Variants in PTBP2 observed in about 807,000 individuals in gnomAD.
PTBP2 encodes polypyrimidine tract-binding protein 2.
Under a neutral mutation model 61.4 loss-of-function variants are expected in PTBP2, and 13 were observed. That is an observed-to-expected ratio of 0.21 (90% CI 0.14 to 0.34). The LOEUF (loss-of-function observed/expected upper bound fraction) is 0.34. Ranked by LOEUF, PTBP2 falls within the 10% of genes least tolerant of loss-of-function variation. The pLI, the probability that PTBP2 is intolerant of heterozygous loss-of-function variation, is 1.00. For missense variants in PTBP2, 405 were observed against 642.6 expected (o/e 0.63, Z 4.00); for synonymous variants, 215 against 218.5 (o/e 0.98, Z 0.14).
At chr1:96,783,038 G>A (rs1380040751) in intron 7 of PTBP2, among the ~76,000 whole-genome samples, 3 of 151,942 alleles carry the variant, frequency 2.0e-5, no homozygotes, top group African/African-American at 7.2e-5. Context: ...TTTAATGTCA[G>A]AAATCTTTGC....
chr1:96,807,890 G>A (rs1210550640), intron 11 of PTBP2, among the ~76,000 whole-genome samples: 4 of 152,176 alleles, frequency 2.6e-5, no homozygotes, highest in African/African-American at 4.8e-5. Context: ...AGATACGAAA[G>A]TGCTGATTAT....
chr1:96,787,437 T>G (rs78744942), intron 8 of PTBP2, among the ~76,000 whole-genome samples: 1,949 of 152,362 alleles, frequency 0.013, 47 homozygotes, highest in African/African-American at 0.045. Context: ...TTGAATTTTT[T>G]AGTATAACGC....
chr1:96,782,210 C>T (rs564278075), intron 7 of PTBP2, among the ~76,000 whole-genome samples: 1 of 152,050 alleles, frequency 6.6e-6, no homozygotes, highest in South Asian at 2.1e-4. Context: ...ATTGTGTCTT[C>T]TGGAAGTCCT....
At chr1:96,730,228 G>T (rs1032258131) in intron 2 of PTBP2, among the ~76,000 whole-genome samples, 3 of 151,940 alleles carry the variant, frequency 2.0e-5, no homozygotes, top group African/African-American at 7.3e-5. Context: ...ATTGATTTCT[G>T]CTATTTTTAT....
intron 5 of PTBP2, among the ~76,000 whole-genome samples, chr1:96,773,875 A>G (rs1201581277): frequency 6.6e-6 from 1 of 150,478 alleles, no homozygotes; most frequent in Non-Finnish European, 1.5e-5. Flanking sequence ...AGGCAGGAGA[A>G]TGGTGCAGAC....
chr1:96,806,553 A>C, intron 10 of PTBP2, 101 bp downstream of exon 10: 1 of 1,294,292 alleles, frequency 7.7e-7, no homozygotes, highest in Non-Finnish European at 1.1e-6. Flanking sequence ...TGAATAGTAA[A>C]TCTTTTGCTA....
intron 10 of PTBP2, 89 bp downstream of exon 10, chr1:96,806,541 G>T (rs1021274530): frequency 7.3e-7 from 1 of 1,374,154 alleles, no homozygotes; most frequent in African/African-American, 1.4e-5. Flanking sequence ...TTGGCTTAAA[G>T]TTGAATAGTA....
chr1:96,764,957 C>T (rs1656496515), intron 3 of PTBP2, among the ~76,000 whole-genome samples: 1 of 152,136 alleles, frequency 6.6e-6, no homozygotes. Flanking sequence ...TTACGGAAAC[C>T]TGGTGAGGCT....
chr1:96,762,305 G>A (rs1655997003), intron 3 of PTBP2, among the ~76,000 whole-genome samples: 1 of 151,204 alleles, frequency 6.6e-6, no homozygotes, highest in Admixed American at 6.6e-5. Flanking sequence ...AGTAGGGGCG[G>A]CCGGGCAGAG....
intron 8 of PTBP2, among the ~76,000 whole-genome samples, chr1:96,802,927 G>A (rs115927991): frequency 2.0e-5 from 3 of 152,150 alleles, no homozygotes; most frequent in African/African-American, 7.2e-5. Context: ...AAATACTGAC[G>A]AATAGTATTA....
At chr1:96,730,988 G>C (rs1651318447) in intron 2 of PTBP2, among the ~76,000 whole-genome samples, 1 of 152,084 alleles carries the variant, frequency 6.6e-6, no homozygotes, top group Admixed American at 6.5e-5. Context: ...ATTCTGTCTT[G>C]ACTGGAAGTA....
chr1:96,742,283 A>G (rs767130459), intron 2 of PTBP2, among the ~76,000 whole-genome samples: 4 of 152,204 alleles, frequency 2.6e-5, no homozygotes, highest in Non-Finnish European at 4.4e-5. Context: ...AAATATATTA[A>G]AAGGATTTTA....
rs529249262 is a variant in PTBP2 at position 96,820,111 on chromosome 1, T to C, written c.*6706T>C. On this transcript the variant is annotated 3_prime_UTR_variant, in exon 14 of 14. Transcript: ENST00000609116. ...ATTTAAAAACCATTATTTTCTCATC[T>C]GTAAAATGGAGAGAATTACTTCATA... 4 of 152,196 alleles carry C rather than the reference T, an allele frequency of 2.6e-5. No individual in the cohort carries two copies. In the South Asian group the frequency reaches 8.3e-4, roughly 32 times the overall value. 9.4% of individuals were successfully genotyped at this position (152,196 alleles called of 1,614,324 possible).
intron 8 of PTBP2, among the ~76,000 whole-genome samples, chr1:96,794,862 A>C (rs994536937): frequency 6.6e-6 from 1 of 152,224 alleles, no homozygotes; most frequent in Non-Finnish European, 1.5e-5. Context: ...TGTGATGAAC[A>C]TTCAGTTATG....
chr1:96,731,819 C>T (rs963633087), intron 2 of PTBP2, among the ~76,000 whole-genome samples: 5 of 151,976 alleles, frequency 3.3e-5, no homozygotes, highest in African/African-American at 9.7e-5. Flanking sequence ...TTATATTCTT[C>T]GTAATTTGTA....
chr1:96,743,581 C>G (rs1175886915), intron 2 of PTBP2, among the ~76,000 whole-genome samples: 1 of 151,976 alleles, frequency 6.6e-6, no homozygotes, highest in Non-Finnish European at 1.5e-5. Context: ...TATTAGAATT[C>G]TTAAGAATTA....
downstream of PTBP2, chr1:96,817,556 G>A (rs551396438): frequency 7.4e-4 from 112 of 151,804 alleles, 1 homozygote; most frequent in Non-Finnish European, 1.3e-3. Context: ...TCAAATACGC[G>A]GAAAAATAAA....
intron 11 of PTBP2, among the ~76,000 whole-genome samples, chr1:96,810,220 CT>C (rs1195961284): frequency 2.0e-5 from 3 of 152,044 alleles, no homozygotes; most frequent in Non-Finnish European, 4.4e-5. Flanking sequence ...GAAACATTGA[CT>C]TTTTCCTTTA....
At chr1:96,794,028 A>C (rs1660118305) in intron 8 of PTBP2, among the ~76,000 whole-genome samples, 1 of 152,232 alleles carries the variant, frequency 6.6e-6, no homozygotes, top group Admixed American at 6.5e-5. Flanking sequence ...CTGATCATCC[A>C]TTAAAAACTT....
Sources: gnomAD v4.1 joint callset for allele counts (sites outside exome capture counted in the v4.1 genomes callset) on GRCh38, gnomAD v4.1.1 for gene constraint, MANE v1.5 for transcripts, NCBI Gene and HGNC (gene_info 2026-07-23, HGNC 2026-07-21) for gene names.